TEAD3: variants seen among roughly 807,000 people sequenced by gnomAD.
The protein encoded by TEAD3 is transcriptional enhancer factor TEF-5.
In TEAD3, 15 loss-of-function variants were observed where a neutral mutation model predicts 55.6. The observed-to-expected ratio is 0.27, with a 90% CI of 0.18 to 0.42. The LOEUF is 0.42. TEAD3 is among the 10% of genes least tolerant of loss of function. The pLI is 1.00. For missense variants in TEAD3, 407 were observed against 576.8 expected, an observed-to-expected ratio of 0.71 and a Z score of 3.01; for synonymous variants, 210 against 232.2, an observed-to-expected ratio of 0.90 and a Z score of 0.87.
At chr6:35,489,156 C>T (rs888736836) in intron 1 of TEAD3, among the ~76,000 whole-genome samples, 1 of 152,230 alleles carries the variant, frequency 6.6e-6, no homozygotes, top group African/African-American at 2.4e-5. Flanking sequence ...ATTACTACTA[C>T]TAACAGTACC....
At position 35,486,077 on chromosome 6, in the gene TEAD3, C is replaced by T. The variant is rs77981265; in HGVS notation, c.202+384G>A. On this transcript the variant is annotated intron_variant, in intron 2 of 12. Coordinates refer to ENST00000639578, the Ensembl canonical transcript of TEAD3. This position sits in a 1 kb window ranked among gnomAD's most constrained non-coding sequence, Gnocchi z 7.3. ...CCCGCACTGGAGAGAACTATACGGG[C>T]TGTGGGAGTCACCGGGCGACTATCA... Among the ~76,000 whole-genome samples, 173 of 152,330 alleles carry T rather than the reference C, an allele frequency of 1.1e-3. 1 individual carries two copies. The highest frequency in any genetic ancestry group is 7.4e-3 in the East Asian group (38 of 5,158).
intron 1 of TEAD3, among the ~76,000 whole-genome samples, chr6:35,493,943 T>C (rs1380706265): frequency 1.3e-5 from 2 of 151,990 alleles, no homozygotes; most frequent in Admixed American, 6.6e-5. Context: ...ACACAGAACA[T>C]CCCCCATGCA....
chr6:35,492,514 C>A (rs1024251673), intron 1 of TEAD3, among the ~76,000 whole-genome samples: 2 of 152,182 alleles, frequency 1.3e-5, no homozygotes, highest in African/African-American at 4.8e-5. Context: ...GGGAGGGCTT[C>A]CCTCCTTCCT....
At chr6:35,490,990 G>A (rs1270946616) in intron 1 of TEAD3, among the ~76,000 whole-genome samples, 1 of 152,056 alleles carries the variant, frequency 6.6e-6, no homozygotes, top group Non-Finnish European at 1.5e-5. Context: ...GTCAAGGGGA[G>A]GGAGACCAAG....
rs187701421 is a variant in TEAD3, at chr6:35,478,648, C to T, written c.343-77G>A. 23 of 1,498,706 alleles carry T rather than the reference C, an allele frequency of 1.5e-5. No homozygotes were observed. The Admixed American group carries it at 3.7e-4, about 24-fold the overall frequency. 92.8% of individuals were successfully genotyped at this position (1,498,706 alleles called of 1,614,324 possible). A position where few individuals can be genotyped will look rare whatever the true frequency, so the allele number is the denominator to read the frequency against. On this transcript the variant is annotated intron_variant, in intron 5 of 12. Transcript: ENST00000639578. ...TTGCTTTAGCGCCCCTCCCATGACC[C>T]CAGCAGAGTCCAAAGCACTAGGATG...
At position 35,485,682 on chromosome 6, in the gene TEAD3, T is replaced by G; in HGVS notation, c.202+779A>C. 6.6e-6 allele frequency among the ~76,000 whole-genome samples: 1 copy of G among 152,172 alleles called. No homozygotes were observed. Among genetic ancestry groups the G allele is most frequent in the Non-Finnish European group, 1.5e-5 (1 of 68,018 alleles). ...AGCACCCACCCTGTGGAAGGCACCC[T>G]GGACCATCTGCCTGCCCCCAAGGTG... On this transcript the variant is annotated intron_variant, in intron 2 of 12. Transcript: ENST00000639578. The surrounding 1 kb of genome is among the most constrained non-coding windows in gnomAD (Gnocchi z 4.3).
In TEAD3 at chr6:35,488,065, C is replaced by T. The variant is rs13214733; in HGVS notation, c.-49-1354G>A. The stretch of plus-strand genomic sequence containing the variant: ...AGAAGGGCACCATTTTATCTTCCCC[C>T]AAATCGATAACTAACCAGAACTCTG... On this transcript the variant is annotated intron_variant, in intron 1 of 12. Transcript: ENST00000639578. The surrounding 1 kb of genome is among the most constrained non-coding windows in gnomAD (Gnocchi z 4.2). 0.074 allele frequency among the ~76,000 whole-genome samples: 11,235 copies of T among 151,854 alleles called. 680 individuals carry two copies. The highest frequency in any genetic ancestry group is 0.16 in the African/African-American group (6,662 of 41,294).
At position 35,480,911 on chromosome 6, in the gene TEAD3, C is replaced by T. The variant is rs774593708; in HGVS notation, c.268-789G>A. Among the ~76,000 whole-genome samples, 133 of 152,230 alleles carry T rather than the reference C, an allele frequency of 8.7e-4. 2 individuals carry two copies. Among genetic ancestry groups the T allele is most frequent in the Non-Finnish European group, 1.2e-3 (84 of 68,026 alleles). Reference sequence around the variant, plus strand: ...TTATTGGCACCACAGGTGCTAGCAACGGCCATGGTGCTCCTGTTGGCCACT... The same window carrying T: ...TTATTGGCACCACAGGTGCTAGCAATGGCCATGGTGCTCCTGTTGGCCACT... On this transcript the variant is annotated intron_variant, in intron 3 of 12. Transcript: ENST00000639578.
rs182014816 is a variant in TEAD3 at position 35,476,121 on chromosome 6, A to G, written c.727-29T>C. The G allele has an allele frequency of 2.3e-4, 352 of 1,545,234 alleles. 1 individual carries two copies. In the African/African-American group the frequency reaches 4.3e-3, roughly 19 times the overall value. On this transcript the variant is annotated intron_variant, in intron 9 of 12. Transcript: ENST00000639578. ...TGGGGAGGGCCCAGACAGGGTCAGG[A>G]GAGTACTCAGGCTTGCAGGCCCGGG...
intron 7 of TEAD3, among the ~76,000 whole-genome samples, chr6:35,477,749 CAA>C (rs1244805518): frequency 9.9e-5 from 15 of 152,046 alleles, no homozygotes; most frequent in African/African-American, 3.1e-4. Context: ...AGAAAGTAAA[CAA>C]AGAGATGGAT....
In TEAD3 at chr6:35,475,807, GC is replaced by G; in HGVS notation, c.901-102del. ...CCCAAGGATCCATCTCTGGCACTCT[GC>G]CCACAAGCCATGAGGATGCAGCAGG... On this transcript the variant is annotated intron_variant, in intron 10 of 12. Coordinates refer to ENST00000639578, the Ensembl canonical transcript of TEAD3. This position sits in a 1 kb window ranked among gnomAD's most constrained non-coding sequence, Gnocchi z 5.4. 1.3e-6 allele frequency: 2 copies of G among 1,505,876 alleles called. No homozygotes were observed. The highest frequency in any genetic ancestry group is 1.8e-6 in the Non-Finnish European group (2 of 1,127,716). 93.3% of individuals were successfully genotyped at this position (1,505,876 alleles called of 1,614,324 possible).
chr6:35,476,553 CCCCTACT>C, intron 8 of TEAD3, 118 bp from the exon 9 acceptor site: 1 of 1,277,128 alleles, frequency 7.8e-7, no homozygotes, highest in East Asian at 2.4e-5. Flanking sequence ...GATTTTGACT[CCCCTACT>C]ATGTGTCCTT....
At chr6:35,489,587 C>T (rs750287445) in intron 1 of TEAD3, among the ~76,000 whole-genome samples, 5 of 152,300 alleles carry the variant, frequency 3.3e-5, no homozygotes, top group South Asian at 2.1e-4. Flanking sequence ...CAGTGGGCGG[C>T]CAGAAGGAGC....
Position 35,479,288 on chromosome 6 carries a change from A to G in TEAD3, c.342+17T>C. ...ACCCTTTCCCCCACTCCCACTGGGG[A>G]GGGCTGTGCTACTTACCAGGTTCAT... On this transcript the variant is annotated intron_variant, in intron 5 of 12. Coordinates refer to ENST00000639578, the Ensembl canonical transcript of TEAD3. The G allele has an allele frequency of 6.2e-7, 1 of 1,613,720 alleles. No individual in the cohort carries two copies. The highest frequency in any genetic ancestry group is 1.1e-5 in the South Asian group (1 of 91,084).
chr6:35,484,742 C>T lies in TEAD3; in HGVS notation c.203-118G>A. 1.1e-6 allele frequency: 1 copy of T among 881,460 alleles called. No individual in the cohort carries two copies. The highest frequency in any genetic ancestry group is 1.8e-6 in the Non-Finnish European group (1 of 551,328). The allele number at this position is 881,460 out of a possible 1,614,324, so 54.6% of individuals were successfully genotyped here. ...CTCCCCAAAACACTGCTCTTCTGTTCCTCACTCTCTTCACCCCAAGCTGCA... is the reference window on the plus strand; with the variant it reads ...CTCCCCAAAACACTGCTCTTCTGTTTCTCACTCTCTTCACCCCAAGCTGCA... On this transcript the variant is annotated intron_variant, in intron 2 of 12. Coordinates refer to ENST00000639578, the Ensembl canonical transcript of TEAD3. This position sits in a 1 kb window ranked among gnomAD's most constrained non-coding sequence, Gnocchi z 5.8.
At chr6:35,492,258 G>C (rs1768537653) in intron 1 of TEAD3, among the ~76,000 whole-genome samples, 1 of 152,214 alleles carries the variant, frequency 6.6e-6, no homozygotes, top group Admixed American at 6.5e-5. Context: ...TGACCAGCCG[G>C]GGGGGTCGAG....
chr6:35,482,889 G>A (rs527974386), intron 3 of TEAD3, among the ~76,000 whole-genome samples: 1 of 152,332 alleles, frequency 6.6e-6, no homozygotes, highest in East Asian at 1.9e-4. Flanking sequence ...TCTGAGCTCA[G>A]AACGGCTTTC....
At chr6:35,479,631 G>A (rs1275027095) in intron 4 of TEAD3, among the ~76,000 whole-genome samples, 3 of 152,332 alleles carry the variant, frequency 2.0e-5, no homozygotes, top group East Asian at 3.9e-4. Flanking sequence ...GCAGGGAGAA[G>A]AGCACACGGC....
At chr6:35,487,618 G>A (rs553531660) in intron 1 of TEAD3, among the ~76,000 whole-genome samples, 1 of 151,236 alleles carries the variant, frequency 6.6e-6, no homozygotes, top group African/African-American at 2.4e-5. Context: ...AGCTACTCAG[G>A]AGGCTGAGGC....
Sources: allele counts gnomAD v4.1 joint callset (sites outside exome capture counted in the v4.1 genomes callset), GRCh38; gene constraint gnomAD v4.1.1; non-coding constraint Gnocchi (gnomAD v3.1); transcripts MANE v1.5; gene names NCBI Gene and HGNC (gene_info 2026-07-23, HGNC 2026-07-21).